Variants in LSAMP observed in about 807,000 individuals in gnomAD.
LSAMP encodes the protein limbic system associated membrane protein.
LSAMP carries 7 observed loss-of-function variants against 38.6 expected under a neutral mutation model. That is an observed-to-expected ratio of 0.18 (90% confidence interval 0.10 to 0.34). The LOEUF (loss-of-function observed/expected upper bound fraction) is 0.34, where lower values mean the gene tolerates loss of function less well. Among genes scored for constraint, LSAMP ranks in the 10% least tolerant of loss-of-function variants. The pLI is 1.00. For missense variants in LSAMP, 313 were observed against 420.0 expected (o/e 0.75, Z 2.23); for synonymous variants, 154 against 166.8 (o/e 0.92, Z 0.59).
intron 1 of LSAMP, among the ~76,000 whole-genome samples, chr3:116,164,717 A>T (rs183306592): frequency 7.3e-6 from 1 of 137,886 alleles, no homozygotes; most frequent in African/African-American, 2.7e-5. Flanking sequence ...CCAAATATAT[A>T]TATATAATCC....
rs1024614445 is a variant in LSAMP, at chr3:116,445,249, GAA to G, written c.-220_-219del. ...CCTCATAAAACCCAAGCAGAAGGGT[GAA>G]AAGTAAAAGCAACACAATTTCAAAA... On this transcript the variant is annotated 5_prime_UTR_variant, in exon 1 of 7. Transcript: ENST00000490035. 9 of 592,160 alleles carry G rather than the reference GAA, an allele frequency of 1.5e-5. No homozygotes were observed. The African/African-American group carries it at 1.7e-4, about 11-fold the overall frequency. The allele number at this position is 592,160 out of a possible 1,614,324, so 36.7% of individuals were successfully genotyped here. A position where few individuals can be genotyped will look rare whatever the true frequency, so the allele number is the denominator to read the frequency against.
intron 1 of LSAMP, among the ~76,000 whole-genome samples, chr3:116,131,850 T>C (rs1269940871): frequency 6.6e-6 from 1 of 150,798 alleles, no homozygotes; most frequent in Non-Finnish European, 1.5e-5. Context: ...TTTTTTGAGA[T>C]GGAGTCTTGC....
chr3:115,870,540 C>G (rs1321195348), intron 3 of LSAMP, among the ~76,000 whole-genome samples: 2 of 152,132 alleles, frequency 1.3e-5, no homozygotes, highest in Non-Finnish European at 2.9e-5. Flanking sequence ...GGAAGATTCT[C>G]AGGCTTACCT....
chr3:116,006,246 G>A (rs1940156636), intron 3 of LSAMP, among the ~76,000 whole-genome samples: 1 of 152,100 alleles, frequency 6.6e-6, no homozygotes, highest in African/African-American at 2.4e-5. Flanking sequence ...GGGGACACCA[G>A]AGAGTTTGCT....
chr3:115,816,183 A>T (rs1934010983), intron 6 of LSAMP, among the ~76,000 whole-genome samples: 3 of 152,172 alleles, frequency 2.0e-5, no homozygotes, highest in Non-Finnish European at 4.4e-5. Flanking sequence ...ACAGCACCTC[A>T]GAATTAGTAA....
intron 6 of LSAMP, among the ~76,000 whole-genome samples, chr3:115,824,671 T>C (rs138060199): frequency 4.8e-4 from 72 of 150,086 alleles, no homozygotes; most frequent in Admixed American, 1.6e-3. Flanking sequence ...CGTTGAGTCA[T>C]TGCACTCCAG....
At chr3:116,186,393 C>T (rs1378754484) in intron 1 of LSAMP, among the ~76,000 whole-genome samples, 1 of 152,076 alleles carries the variant, frequency 6.6e-6, no homozygotes, top group African/African-American at 2.4e-5. Flanking sequence ...TGATCTCTAT[C>T]TTGAGTGATA....
At chr3:115,990,858 C>T (rs1344185378) in intron 3 of LSAMP, among the ~76,000 whole-genome samples, 1 of 152,038 alleles carries the variant, frequency 6.6e-6, no homozygotes, top group Non-Finnish European at 1.5e-5. Context: ...AGGGCTTATC[C>T]TCAGAGGCTT....
At chr3:116,276,809 ATTC>A (rs1460073154) in intron 1 of LSAMP, among the ~76,000 whole-genome samples, 1 of 152,204 alleles carries the variant, frequency 6.6e-6, no homozygotes, top group Admixed American at 6.5e-5. Flanking sequence ...CAGTAGGACA[ATTC>A]TTATTGAGAG....
intron 3 of LSAMP, among the ~76,000 whole-genome samples, chr3:116,008,139 C>T (rs1483344870): frequency 6.6e-6 from 1 of 152,178 alleles, no homozygotes; most frequent in Non-Finnish European, 1.5e-5. Flanking sequence ...CAACAACAAA[C>T]ACTTGAATAA....
rs184764404 is a variant in LSAMP, at chr3:116,255,420, T to G, written c.156-168864A>C. 5.3e-5 allele frequency among the ~76,000 whole-genome samples: 8 copies of G among 152,304 alleles called. No individual in the cohort carries two copies. The East Asian group carries it at 1.4e-3, about 26-fold the overall frequency. On this transcript the variant is annotated intron_variant, in intron 1 of 6. Coordinates refer to ENST00000490035, the MANE Select transcript of LSAMP (RefSeq NM_002338.5). ...AAGTCTTTGGTTAGAGCAGACACAA[T>G]GCAGGAGTCCACAAGCTAGAACAGT...
At chr3:116,280,871 T>C (rs2047118619) in intron 1 of LSAMP, among the ~76,000 whole-genome samples, 5 of 152,102 alleles carry the variant, frequency 3.3e-5, no homozygotes. Context: ...AGTGTGATAG[T>C]TTTTTTCTGA....
At chr3:116,007,190 G>A (rs1481069918) in intron 3 of LSAMP, among the ~76,000 whole-genome samples, 1 of 152,094 alleles carries the variant, frequency 6.6e-6, no homozygotes, top group Non-Finnish European at 1.5e-5. Context: ...ACTTCACAGA[G>A]CCTCATGGGC....
At position 115,808,112 on chromosome 3, in the gene LSAMP, C is replaced by CCTTCCTTCCTTCCTTCCTTCCTT. The variant is rs1933677230; in HGVS notation, c.*2204_*2205insAAGGAAGGAAGGAAGGAAGGAAG. The CCTTCCTTCCTTCCTTCCTTCCTT allele has an allele frequency of 3.9e-5, 1 of 25,924 alleles. No homozygotes were observed. Among genetic ancestry groups the CCTTCCTTCCTTCCTTCCTTCCTT allele is most frequent in the African/African-American group, 2.1e-4 (1 of 4,664 alleles). The allele number at this position is 25,924 out of a possible 1,614,324, so 1.6% of individuals were successfully genotyped here. A position where few individuals can be genotyped will look rare whatever the true frequency, so the allele number is the denominator to read the frequency against. The stretch of plus-strand genomic sequence containing the variant: ...TTCCTTCCTTCCTTCCTTCCTTCCT[C>CCTTCCTTCCTTCCTTCCTTCCTT]CCTCCCTCCCTCCCTCCCTCCCTCC... On this transcript the variant is annotated 3_prime_UTR_variant, in exon 7 of 7. Coordinates refer to ENST00000490035, the MANE Select transcript of LSAMP (RefSeq NM_002338.5).
chr3:116,041,824 A>C (rs925939310), intron 2 of LSAMP, among the ~76,000 whole-genome samples: 32 of 150,300 alleles, frequency 2.1e-4, no homozygotes, highest in East Asian at 5.8e-4. Flanking sequence ...AACAAAAAAA[A>C]AACACCTTGA....
At chr3:115,859,729 T>G (rs1935619059) in intron 3 of LSAMP, among the ~76,000 whole-genome samples, 1 of 152,200 alleles carries the variant, frequency 6.6e-6, no homozygotes, top group South Asian at 2.1e-4. Context: ...CTTCCTGGCA[T>G]CCAGAGAGAT....
intron 1 of LSAMP, among the ~76,000 whole-genome samples, chr3:116,431,868 G>T (rs996665075): frequency 6.6e-6 from 1 of 151,932 alleles, no homozygotes; most frequent in South Asian, 2.1e-4. Context: ...CAAATTCAAA[G>T]AATTAAATTA....
At chr3:116,341,767 T>C (rs2047998770) in intron 1 of LSAMP, among the ~76,000 whole-genome samples, 1 of 152,030 alleles carries the variant, frequency 6.6e-6, no homozygotes, top group East Asian at 1.9e-4. Context: ...ACTCCCGCCT[T>C]CCTTGACTCT....
intron 3 of LSAMP, among the ~76,000 whole-genome samples, chr3:115,986,995 C>T (rs1448821132): frequency 6.6e-6 from 1 of 152,120 alleles, no homozygotes; most frequent in African/African-American, 2.4e-5. Flanking sequence ...ACCTCATGAG[C>T]AAGGCTGTGT....
Sources: allele counts gnomAD v4.1 joint callset (sites outside exome capture counted in the v4.1 genomes callset), GRCh38; gene constraint gnomAD v4.1.1; transcripts MANE v1.5; gene names NCBI Gene and HGNC (gene_info 2026-07-23, HGNC 2026-07-21).